Variants in NBEAL2 observed in about 807,000 individuals in gnomAD.
The protein encoded by NBEAL2 is neurobeachin like 2.
In NBEAL2, 160 loss-of-function variants were observed where a neutral mutation model predicts 299.8. That is an observed-to-expected ratio of 0.53 (90% CI 0.47 to 0.61). The LOEUF (loss-of-function observed/expected upper bound fraction) is 0.61. NBEAL2 is among the 20% of genes least tolerant of loss of function. NBEAL2 has a pLI of 0.00. For synonymous variants in NBEAL2, 1,493 were observed against 1,542.3 expected, an observed-to-expected ratio of 0.97 and a Z score of 0.75; for missense variants, 3,112 against 3,649.0, an observed-to-expected ratio of 0.85 and a Z score of 3.79.
At position 47,002,357 on chromosome 3, in the gene NBEAL2, G is replaced by A; in HGVS notation, c.5152-14G>A. 6.2e-7 allele frequency: 1 copy of A among 1,613,316 alleles called. No individual in the cohort carries two copies. The highest frequency in any genetic ancestry group is 1.7e-5 in the Admixed American group (1 of 60,022). ...CCCACATCGAGCACTGTTCTCCTCT[G>A]CCCAATCCTCCAGGTACAGCCAACC... On this transcript the variant is annotated splice_polypyrimidine_tract_variant and intron_variant, in intron 31 of 53. Coordinates refer to ENST00000450053, the MANE Select transcript of NBEAL2 (RefSeq NM_015175.3).
intron 6 of NBEAL2, among the ~76,000 whole-genome samples, chr3:46,990,975 G>A (rs2036039622): frequency 6.6e-6 from 1 of 152,086 alleles, no homozygotes; most frequent in African/African-American, 2.4e-5. Flanking sequence ...AGACTCTCAG[G>A]GCTGGTCTTT....
rs771418510 is a variant in NBEAL2 at position 46,998,998 on chromosome 3, G to A, written c.3424G>A (p.Gly1142Ser). 22 of 1,606,510 alleles carry A rather than the reference G, an allele frequency of 1.4e-5. 1 individual carries two copies. Among genetic ancestry groups the A allele is most frequent in the Admixed American group, 1.4e-4 (8 of 59,050 alleles). ...ALDLLLALLH[G>S]SLVQESLAVF... ...GGACCTGCTGCTGGCCCTGCTGCACGGTTCCCTGGTGCAGGAGTCCTTGGC... is the reference window on the plus strand; with the variant it reads ...GGACCTGCTGCTGGCCCTGCTGCACAGTTCCCTGGTGCAGGAGTCCTTGGC... Residue 1142 changes from glycine to serine, a missense_variant, in exon 24 of 54, where the codon GGT becomes AGT. Transcript: ENST00000450053.
chr3:46,987,998 G>C (rs1430612254), intron 1 of NBEAL2: 13 of 1,277,116 alleles, frequency 1.0e-5, no homozygotes, highest in Non-Finnish European at 1.2e-5. Context: ...TCACACCAAA[G>C]TTTTCCTGGC....
Position 46,991,756 on chromosome 3 carries a change from G to A in NBEAL2, c.925+68G>A. 2 of 1,564,080 alleles carry A rather than the reference G, an allele frequency of 1.3e-6. No homozygotes were observed. Among genetic ancestry groups the A allele is most frequent in the Non-Finnish European group, 1.7e-6 (2 of 1,154,406 alleles). On this transcript the variant is annotated intron_variant, in intron 8 of 53. Coordinates refer to ENST00000450053, the MANE Select transcript of NBEAL2 (RefSeq NM_015175.3). The surrounding 1 kb of genome is among the most constrained non-coding windows in gnomAD (Gnocchi z 6.2). ...GGGAAAAGCCTAAGTGATGATGGAAGGTCTGGATAGGGCAGCATAGGAAGG... is the reference window on the plus strand; with the variant it reads ...GGGAAAAGCCTAAGTGATGATGGAAAGTCTGGATAGGGCAGCATAGGAAGG...
rs2037240044 is a variant in NBEAL2, at chr3:47,004,123, C to T, written c.5928C>T (p.Val1976=). 1 of 1,613,468 alleles carries T rather than the reference C, an allele frequency of 6.2e-7. No individual in the cohort carries two copies. The highest frequency in any genetic ancestry group is 1.3e-5 in the African/African-American group (1 of 74,862). ...GCCCACTGGCCCAGCTGCGTGAGGT[C>T]CACCTGCGGCGTTTCAACCTGCGCC... ...FRRPLAQLRE[V]HLRRFNLRRS... The change falls in exon 37 of 54, where the codon GTC becomes GTT. Residue 1976 remains valine, a synonymous_variant. Coordinates refer to ENST00000450053, the MANE Select transcript of NBEAL2 (RefSeq NM_015175.3). This position sits in a 1 kb window ranked among gnomAD's most constrained non-coding sequence, Gnocchi z 5.0.
At position 46,979,736 on chromosome 3, in the gene NBEAL2, T is replaced by C. The variant is rs1400720162; in HGVS notation, c.-126T>C. 6.4e-6 allele frequency: 2 copies of C among 313,848 alleles called. No homozygotes were observed. Among genetic ancestry groups the C allele is most frequent in the East Asian group, 4.7e-5 (1 of 21,076 alleles). The allele number at this position is 313,848 out of a possible 1,614,324, so 19.4% of individuals were successfully genotyped here. ...AGGCCACAGCCGCAGACTTCCCCAG[T>C]AGTACCGCGCCGCTCCGCCCCGGAG... On this transcript the variant is annotated 5_prime_UTR_variant, in exon 1 of 54. Transcript: ENST00000450053.
At position 47,005,207 on chromosome 3, in the gene NBEAL2, G is replaced by A. The variant is rs377102613; in HGVS notation, c.6446G>A (p.Gly2149Glu). The change falls in exon 40 of 54, where the codon GGG (glycine) becomes GAG (glutamate). Residue 2149 changes from glycine to glutamate, a missense_variant. Around this residue, in one of 3 missense-constraint regions of NBEAL2, gnomAD observed 521 missense variants for 729.6 expected, o/e 0.71. Coordinates refer to ENST00000450053, the MANE Select transcript of NBEAL2 (RefSeq NM_015175.3). Reference sequence around the variant, plus strand: ...TATGAAAGCTTTGAGGACCCAGCAGGGACCATTGACAAGTTCCACTATGGC... The same window carrying A: ...TATGAAAGCTTTGAGGACCCAGCAGAGACCATTGACAAGTTCCACTATGGC... ...EKYESFEDPA[G>E]TIDKFHYGTH... 22 of 1,613,660 alleles carry A rather than the reference G, an allele frequency of 1.4e-5. No homozygotes were observed. Among genetic ancestry groups the A allele is most frequent in the African/African-American group, 6.7e-5 (5 of 74,930 alleles).
intron 12 of NBEAL2, 138 bp from the exon 13 acceptor site, chr3:46,994,894 C>A: frequency 2.4e-6 from 3 of 1,270,828 alleles, no homozygotes; most frequent in Non-Finnish European, 3.2e-6. Context: ...CTTTCCTGAG[C>A]CTCACACACA....
rs777047883 is a variant in NBEAL2 at position 46,991,891 on chromosome 3, C to T, written c.977C>T (p.Thr326Ile). The T allele has an allele frequency of 6.9e-6, 11 of 1,604,128 alleles. No individual in the cohort carries two copies. Among genetic ancestry groups the T allele is most frequent in the South Asian group, 4.5e-5 (4 of 88,982 alleles). The part of the protein sequence containing the change: ...ACEDRPVLQA[T>I]FLSNNCFEHL... ...GAAGACCGGCCAGTGCTGCAAGCCA[C>T]CTTCCTCAGCAACAATTGCTTTGAA... Residue 326 changes from threonine to isoleucine, a missense_variant, in exon 9 of 54, where the codon ACC (threonine) becomes ATC (isoleucine). This residue lies in a region of NBEAL2 where 2,243 missense variants were observed against 2,538.1 expected (regional missense o/e 0.88). Transcript: ENST00000450053. The surrounding 1 kb of genome is among the most constrained non-coding windows in gnomAD (Gnocchi z 6.2).
intron 1 of NBEAL2, among the ~76,000 whole-genome samples, chr3:46,987,828 CTCTGTGCAGGCCAGG>C (rs975870199): frequency 6.6e-6 from 1 of 152,220 alleles, no homozygotes; most frequent in Non-Finnish European, 1.5e-5. Context: ...AGGTCCCACC[CTCTGTGCAGGCCAGG>C]TCGCTTGCAG....
rs1025495690 is a variant in NBEAL2 at position 46,988,452 on chromosome 3, A to G, written c.52-217A>G. Among the ~76,000 whole-genome samples the G allele has an allele frequency of 3.9e-5, 6 of 152,036 alleles. No individual in the cohort carries two copies. The highest frequency in any genetic ancestry group is 8.8e-5 in the Non-Finnish European group (6 of 67,986). The stretch of plus-strand genomic sequence containing the variant: ...TGGGGTGCCTGGAAAAGTGGTCAGT[A>G]TGTACCTAACTCTCTGATGCTGACC... On this transcript the variant is annotated intron_variant, in intron 1 of 53. Coordinates refer to ENST00000450053, the MANE Select transcript of NBEAL2 (RefSeq NM_015175.3). The surrounding 1 kb of genome is among the most constrained non-coding windows in gnomAD (Gnocchi z 4.4).
chr3:47,004,265 C>G lies in NBEAL2; in HGVS notation c.6070C>G (p.Pro2024Ala). The G allele has an allele frequency of 6.2e-7, 1 of 1,613,616 alleles. No individual in the cohort carries two copies. The highest frequency in any genetic ancestry group is 8.5e-7 in the Non-Finnish European group (1 of 1,179,746). The change falls in exon 37 of 54, where the codon CCC becomes GCC. Residue 2024 changes from proline to alanine, a missense_variant. Coordinates refer to ENST00000450053, the MANE Select transcript of NBEAL2 (RefSeq NM_015175.3). This position sits in a 1 kb window ranked among gnomAD's most constrained non-coding sequence, Gnocchi z 5.0. ...CCAGACTCCCAGACCCCAGCCTGGC[C>G]CCATCCCACCCCATACCCAGGTACG... ...PSQTPRPQPG[P>A]IPPHTQVRNQ...
In NBEAL2 at chr3:47,005,808, C is replaced by T; in HGVS notation, c.6762C>T (p.Ser2254=). 6.2e-7 allele frequency: 1 copy of T among 1,613,422 alleles called. No homozygotes were observed. The highest frequency in any genetic ancestry group is 1.3e-5 in the African/African-American group (1 of 75,046). The part of the protein sequence containing the change: ...VGDVVLPPWA[S]SPEDFIQQHR... ...ATGTGGTGCTACCCCCGTGGGCCAG[C>T]TCTCCTGAGGACTTCATCCAGCAGC... Residue 2254 remains serine, a synonymous_variant, in exon 42 of 54, where the codon AGC becomes AGT. Coordinates refer to ENST00000450053, the MANE Select transcript of NBEAL2 (RefSeq NM_015175.3).
In NBEAL2 at chr3:47,002,938, C is replaced by T. The variant is rs1232504922; in HGVS notation, c.5460-19C>T. On this transcript the variant is annotated intron_variant, in intron 33 of 53. Coordinates refer to ENST00000450053, the MANE Select transcript of NBEAL2 (RefSeq NM_015175.3). ...TCTACAGCCTTCTACCGACCCATGA[C>T]CTGGGGGACATTCTGCAGGGACACT... 6.2e-7 allele frequency: 1 copy of T among 1,611,736 alleles called. No individual in the cohort carries two copies. Among genetic ancestry groups the T allele is most frequent in the Admixed American group, 1.7e-5 (1 of 59,952 alleles).
At chr3:46,996,094 G>T (rs1271072093) in intron 15 of NBEAL2, 43 bp downstream of exon 15, 7 of 1,567,436 alleles carry the variant, frequency 4.5e-6, no homozygotes, top group Non-Finnish European at 6.1e-6. Context: ...TAGATGGGAG[G>T]ACTTGGAACA....
chr3:47,000,201 G>A lies in NBEAL2; in HGVS notation c.4102G>A (p.Gly1368Ser), dbSNP rs987268013. Residue 1368 changes from glycine (G) to serine (S), a missense_variant, in exon 27 of 54, where the codon GGC becomes AGC. Transcript: ENST00000450053. This position sits in a 1 kb window ranked among gnomAD's most constrained non-coding sequence, Gnocchi z 4.5. ...CCTGGAACGGTCTAGTGTAGGATCA[G>A]GCAACACTGCTGGTGGTGGCGGCAG... ...LGLERSSVGS[G>S]NTAGGGGSSG... 2.5e-6 allele frequency: 4 copies of A among 1,613,670 alleles called. No homozygotes were observed. In the African/African-American group the frequency reaches 4.0e-5, roughly 16 times the overall value.
intron 9 of NBEAL2, 99 bp downstream of exon 9, chr3:46,992,045 A>C: frequency 9.1e-7 from 1 of 1,097,990 alleles, no homozygotes; most frequent in Non-Finnish European, 1.4e-6. Context: ...TGGGCTGGAC[A>C]GAGTCAGTGT....
rs1416585888 is a variant in NBEAL2, at chr3:46,991,659, C to G, written c.896C>G (p.Ala299Gly). 6.3e-7 allele frequency: 1 copy of G among 1,598,810 alleles called. No individual in the cohort carries two copies. Among genetic ancestry groups the G allele is most frequent in the Non-Finnish European group, 8.5e-7 (1 of 1,179,338 alleles). ...PAGLSSGPEE[A>G]LVTLRVSMLD... is the part of the protein sequence containing the mutation. ...GGTCTGAGCTCAGGCCCCGAAGAGG[C>G]CCTTGTCACCCTCCGGGTCAGCATG... The change falls in exon 8 of 54, where the codon GCC becomes GGC. Residue 299 changes from alanine (A) to glycine (G), a missense_variant. Physicochemically the swap from Ala to Gly is moderately conservative, Grantham distance 60 (BLOSUM62 0). This residue lies in a region of NBEAL2 where 2,243 missense variants were observed against 2,538.1 expected (regional missense o/e 0.88). Coordinates refer to ENST00000450053, the MANE Select transcript of NBEAL2 (RefSeq NM_015175.3). This position sits in a 1 kb window ranked among gnomAD's most constrained non-coding sequence, Gnocchi z 6.2.
At chr3:46,990,697 G>A (rs568165123) in intron 6 of NBEAL2, among the ~76,000 whole-genome samples, 24 of 152,334 alleles carry the variant, frequency 1.6e-4, no homozygotes, top group Admixed American at 1.2e-3. Context: ...TTTTGCTGGC[G>A]CAGGGCCAGG....
Sources: gnomAD v4.1 joint callset for allele counts (sites outside exome capture counted in the v4.1 genomes callset) on GRCh38, gnomAD v4.1.1 for gene constraint, gnomAD v4.1.1 regional missense constraint, Gnocchi (gnomAD v3.1) non-coding constraint, MANE v1.5 for transcripts, NCBI Gene and HGNC (gene_info 2026-07-23, HGNC 2026-07-21) for gene names.